Variants in PLBD1 observed in about 807,000 individuals in gnomAD.
PLBD1 encodes phospholipase B domain containing 1, also known as lysosomal leucine aminopeptidase.
In PLBD1, 60 loss-of-function variants were observed where a neutral mutation model predicts 63.0. The observed-to-expected ratio is 0.95, with a 90% CI of 0.77 to 1.18. PLBD1 has a LOEUF of 1.18. PLBD1 is among the 50% of genes most tolerant of loss of function. PLBD1 has a pLI of 0.00. For synonymous variants in PLBD1, 262 were observed against 248.0 expected (o/e 1.06, Z -0.53); for missense variants, 598 against 677.9 (o/e 0.88, Z 1.31).
intron 9 of PLBD1, 96 bp from the exon 10 acceptor site, chr12:14,506,364 C>CA: frequency 1.2e-6 from 1 of 862,844 alleles, no homozygotes; most frequent in Admixed American, 2.4e-5. Flanking sequence ...CCTAGATAAT[C>CA]AGAGAGTGTA....
At chr12:14,548,537 A>G (rs1469219474) in intron 2 of PLBD1, among the ~76,000 whole-genome samples, 1 of 151,370 alleles carries the variant, frequency 6.6e-6, no homozygotes, top group Non-Finnish European at 1.5e-5. Flanking sequence ...TGCTTTGCCC[A>G]CAGTCTGGAC....
chr12:14,564,077 A>C (rs1945762984), intron 1 of PLBD1, among the ~76,000 whole-genome samples: 1 of 152,102 alleles, frequency 6.6e-6, no homozygotes. Flanking sequence ...CTATCTCTAC[A>C]AATAATTTTT....
intron 8 of PLBD1, 101 bp downstream of exon 8, chr12:14,511,158 AT>A: frequency 6.3e-6 from 5 of 797,196 alleles, no homozygotes; most frequent in Non-Finnish European, 9.5e-6. Context: ...CTTCCCCACC[AT>A]ACCCTCCCCC....
chr12:14,540,010 GCA>G (rs1945553762), intron 4 of PLBD1, among the ~76,000 whole-genome samples: 1 of 4,104 alleles, frequency 2.4e-4, no homozygotes, highest in African/African-American at 3.8e-4. Context: ...GAAAAGCTAT[GCA>G]CATATATATA....
At chr12:14,506,455 C>A (rs1004765210) in intron 9 of PLBD1, among the ~76,000 whole-genome samples, 187 bp from the exon 10 acceptor site, 1 of 152,206 alleles carries the variant, frequency 6.6e-6, no homozygotes, top group Non-Finnish European at 1.5e-5. Flanking sequence ...AAGTCCTTGG[C>A]CCCAGGCCCA....
chr12:14,554,223 A>ATCACGCCCC (rs1406026441), intron 1 of PLBD1: 1 of 152,266 alleles, frequency 6.6e-6, no homozygotes, highest in Non-Finnish European at 1.5e-5. Context: ...CATCACGCCC[A>ATCACGCCCC]TCTCTCCATT....
chr12:14,504,556 C>A (rs1945235748), intron 10 of PLBD1, among the ~76,000 whole-genome samples: 1 of 152,186 alleles, frequency 6.6e-6, no homozygotes, highest in Non-Finnish European at 1.5e-5. Flanking sequence ...CTCTATGAAT[C>A]AGTGTTCTCC....
At chr12:14,518,103 C>T (rs1343465733) in intron 6 of PLBD1, among the ~76,000 whole-genome samples, 1 of 152,126 alleles carries the variant, frequency 6.6e-6, no homozygotes, top group Non-Finnish European at 1.5e-5. Context: ...ATCACTTGAA[C>T]CTGGGAGGCG....
intron 1 of PLBD1, among the ~76,000 whole-genome samples, chr12:14,554,643 A>C (rs1945687380): frequency 6.6e-6 from 1 of 151,984 alleles, no homozygotes; most frequent in Non-Finnish European, 1.5e-5. Context: ...AGCCGGCTGC[A>C]GTCTGCTCTC....
chr12:14,517,630 A>G (rs749766367), intron 6 of PLBD1, among the ~76,000 whole-genome samples: 10 of 152,216 alleles, frequency 6.6e-5, no homozygotes, highest in Non-Finnish European at 8.8e-5. Context: ...AAATGCAGAC[A>G]AAATACCCTC....
chr12:14,562,893 T>G (rs919561133), intron 1 of PLBD1, among the ~76,000 whole-genome samples: 1 of 152,202 alleles, frequency 6.6e-6, no homozygotes, highest in Non-Finnish European at 1.5e-5. Context: ...AATGTAAAAT[T>G]CATGTCTAAA....
At chr12:14,517,154 T>C (rs1234853096) in intron 6 of PLBD1, among the ~76,000 whole-genome samples, 2 of 152,108 alleles carry the variant, frequency 1.3e-5, no homozygotes, top group African/African-American at 4.8e-5. Flanking sequence ...TTTTTGTTTG[T>C]GTTTGTGTTT....
At chr12:14,567,471 C>T in intron 1 of PLBD1, 111 bp downstream of exon 1, 1 of 1,356,332 alleles carries the variant, frequency 7.4e-7, no homozygotes, top group South Asian at 1.6e-5. Context: ...TGAGTTCACC[C>T]AGGAACCAGA....
intron 9 of PLBD1, 41 bp downstream of exon 9, chr12:14,506,892 A>G (rs1276246958): frequency 6.4e-7 from 1 of 1,564,574 alleles, no homozygotes; most frequent in East Asian, 2.3e-5. Context: ...AGGGAAGAAA[A>G]GGAGTTTTGA....
At chr12:14,564,597 C>G (rs575195608) in intron 1 of PLBD1, among the ~76,000 whole-genome samples, 1 of 152,348 alleles carries the variant, frequency 6.6e-6, no homozygotes, top group African/African-American at 2.4e-5. Context: ...AATATCCAGT[C>G]TGCCTGACAG....
chr12:14,503,886 G>A lies in PLBD1; in HGVS notation c.1548C>T (p.Gly516=). 3 of 1,613,934 alleles carry A rather than the reference G, an allele frequency of 1.9e-6. No homozygotes were observed. Among genetic ancestry groups the A allele is most frequent in the Non-Finnish European group, 2.5e-6 (3 of 1,179,870 alleles). Residue 516 remains glycine, a synonymous_variant, in exon 11 of 11, where the codon GGC becomes GGT. Coordinates refer to ENST00000240617, the MANE Select transcript of PLBD1 (RefSeq NM_024829.6). The part of the protein sequence containing the change: ...YAISGPTVQG[G]LPVFRWDRFN... ...AACGGTCCCAGCGAAAAACAGGGAG[G>A]CCACCTTGTACTGTGGGACCACTTA...
chr12:14,511,856 C>T, intron 6 of PLBD1, 145 bp from the exon 7 acceptor site: 1 of 794,102 alleles, frequency 1.3e-6, no homozygotes, highest in Non-Finnish European at 2.0e-6. Context: ...CCTCCCCCAG[C>T]TTTGGCTCAC....
rs1202765754 is a variant in PLBD1 at position 14,533,419 on chromosome 12, A to G, written c.844+2240T>C. Among the ~76,000 whole-genome samples, 4 of 152,230 alleles carry G rather than the reference A, an allele frequency of 2.6e-5. No individual in the cohort carries two copies. In the East Asian group the frequency reaches 7.7e-4, roughly 29 times the overall value. ...CTCCAAAAAGCTCTACATATTATCT[A>G]TGAAATCTACTTGTGTATCTCATCT... is the stretch of plus-strand genomic sequence containing the variant. On this transcript the variant is annotated intron_variant, in intron 6 of 10. Coordinates refer to ENST00000240617, the MANE Select transcript of PLBD1 (RefSeq NM_024829.6).
At chr12:14,553,521 C>T in intron 1 of PLBD1, 109 bp from the exon 2 acceptor site, 1 of 892,858 alleles carries the variant, frequency 1.1e-6, no homozygotes, top group Non-Finnish European at 1.7e-6. Flanking sequence ...GATTTCCATT[C>T]TATTAGAATT....
Sources: allele counts gnomAD v4.1 joint callset (sites outside exome capture counted in the v4.1 genomes callset), GRCh38; gene constraint gnomAD v4.1.1; transcripts MANE v1.5; gene names NCBI Gene and HGNC (gene_info 2026-07-23, HGNC 2026-07-21).